The following GRIN2A variants were observed in gnomAD, a reference collection of about 807,000 sequenced individuals.
GRIN2A encodes glutamate receptor ionotropic, NMDA 2A.
GRIN2A carries 22 observed loss-of-function variants against 113.4 expected under a neutral mutation model. The ratio of observed to expected loss-of-function variants is 0.19; its 90% CI spans 0.14 to 0.28. The LOEUF (loss-of-function observed/expected upper bound fraction) is 0.28. Ranked by LOEUF, GRIN2A falls within the 10% of genes least tolerant of loss-of-function variation. The pLI is 1.00. For missense variants in GRIN2A, 1,502 were observed against 1,887.0 expected (o/e 0.80, Z 3.78); for synonymous variants, 827 against 738.4 (o/e 1.12, Z -1.94).
At chr16:9,859,953 G>A (rs1322313322) in intron 4 of GRIN2A, among the ~76,000 whole-genome samples, 1 of 151,558 alleles carries the variant, frequency 6.6e-6, no homozygotes, top group African/African-American at 2.4e-5. Context: ...AATACTGGAA[G>A]CCCTGGGGCT....
At chr16:10,175,985 T>C (rs919334925) in intron 2 of GRIN2A, among the ~76,000 whole-genome samples, 2 of 151,600 alleles carry the variant, frequency 1.3e-5, no homozygotes, top group Non-Finnish European at 2.9e-5. Flanking sequence ...CTCTTATTTA[T>C]TGATTTTAAT....
At position 9,753,536 on chromosome 16, in the gene GRIN2A, C is replaced by T. The variant is rs1038072354; in HGVS notation, c.*9613G>A. 9 of 201,974 alleles carry T rather than the reference C, an allele frequency of 4.5e-5. No homozygotes were observed. Among genetic ancestry groups the T allele is most frequent in the African/African-American group, 9.2e-5 (4 of 43,566 alleles). 12.5% of individuals were successfully genotyped at this position (201,974 alleles called of 1,614,324 possible). On this transcript the variant is annotated 3_prime_UTR_variant, in exon 13 of 13. Coordinates refer to ENST00000330684, the MANE Select transcript of GRIN2A (RefSeq NM_001134407.3). ...AGTTATATACATATCAGTTTGCACA[C>T]GAATTTCAATCCCCATTCCTTAAAA...
At chr16:10,139,694 G>A (rs142488691) in intron 2 of GRIN2A, among the ~76,000 whole-genome samples, 104 of 152,314 alleles carry the variant, frequency 6.8e-4, no homozygotes, top group African/African-American at 2.0e-3. Context: ...AAGTGGGGTG[G>A]GGGGAATACC....
chr16:10,037,130 A>C (rs74008913), intron 2 of GRIN2A: 32,347 of 152,048 alleles, frequency 0.21, 4,163 homozygotes, highest in East Asian at 0.52. Flanking sequence ...GCTACCAGAG[A>C]GTTCCGCCTC....
intron 7 of GRIN2A, among the ~76,000 whole-genome samples, chr16:9,839,897 C>G (rs553899736): frequency 6.6e-6 from 1 of 151,940 alleles, no homozygotes; most frequent in African/African-American, 2.4e-5. Flanking sequence ...AAGAACTGCC[C>G]GAGGATCACT....
At chr16:10,096,559 C>CACACACACACACAT (rs551231447) in intron 2 of GRIN2A, among the ~76,000 whole-genome samples, 1,707 of 151,694 alleles carry the variant, frequency 0.011, 45 homozygotes, top group East Asian at 0.098. Flanking sequence ...CACACACACA[C>CACACACACACACAT]ACACACACAC....
intron 2 of GRIN2A, among the ~76,000 whole-genome samples, chr16:10,062,290 G>C (rs1267677750): frequency 6.6e-6 from 1 of 151,894 alleles, no homozygotes; most frequent in African/African-American, 2.4e-5. Context: ...CTAGACAGTA[G>C]AAAACAAAAA....
intron 4 of GRIN2A, among the ~76,000 whole-genome samples, chr16:9,854,330 C>T (rs780055232): frequency 2.6e-5 from 4 of 151,374 alleles, no homozygotes; most frequent in Non-Finnish European, 5.9e-5. Flanking sequence ...TCTGAATAGC[C>T]TTTGGGTATT....
chr16:9,828,164 G>C (rs1229675654), intron 9 of GRIN2A, among the ~76,000 whole-genome samples: 3 of 152,138 alleles, frequency 2.0e-5, no homozygotes, highest in Non-Finnish European at 2.9e-5. Flanking sequence ...AGAGGCACAA[G>C]GACACTGAGC....
At chr16:9,834,275 C>G (rs1421899192) in intron 7 of GRIN2A, 45 bp from the exon 8 acceptor site, 2 of 1,604,278 alleles carry the variant, frequency 1.2e-6, no homozygotes, top group Non-Finnish European at 1.7e-6. Context: ...TTAGTTATCT[C>G]TTCCTCACTT....
chr16:9,889,754 A>ATT (rs1243094068), intron 4 of GRIN2A, among the ~76,000 whole-genome samples: 1 of 151,734 alleles, frequency 6.6e-6, no homozygotes, highest in Non-Finnish European at 1.5e-5. Context: ...ATATTTGGAG[A>ATT]TTTTCTAGAT....
intron 2 of GRIN2A, among the ~76,000 whole-genome samples, chr16:9,996,239 T>G (rs868248788): frequency 6.6e-6 from 1 of 152,046 alleles, no homozygotes. Flanking sequence ...GAAGGGCATC[T>G]CCAACAATTA....
At chr16:9,996,285 C>T (rs184790074) in intron 2 of GRIN2A, among the ~76,000 whole-genome samples, 1 of 152,278 alleles carries the variant, frequency 6.6e-6, no homozygotes, top group African/African-American at 2.4e-5. Flanking sequence ...CTTTCACCTT[C>T]CAGAGGGAGC....
intron 2 of GRIN2A, among the ~76,000 whole-genome samples, chr16:10,167,123 GT>G (rs943919286): frequency 3.1e-3 from 193 of 63,134 alleles, no homozygotes; most frequent in African/African-American, 0.015. Flanking sequence ...AGGATCAACT[GT>G]GTTTAATAAA....
At chr16:10,076,142 G>A (rs1175051147) in intron 2 of GRIN2A, among the ~76,000 whole-genome samples, 1 of 152,168 alleles carries the variant, frequency 6.6e-6, no homozygotes, top group African/African-American at 2.4e-5. Context: ...CCAGCACCTG[G>A]GACATCAGGA....
chr16:9,843,398 T>G (rs910968394), intron 5 of GRIN2A, among the ~76,000 whole-genome samples: 2 of 152,164 alleles, frequency 1.3e-5, no homozygotes, highest in African/African-American at 4.8e-5. Context: ...GATGTGATCA[T>G]GGCTCATGGC....
At chr16:10,058,373 T>C (rs1034351217) in intron 2 of GRIN2A, among the ~76,000 whole-genome samples, 2 of 152,216 alleles carry the variant, frequency 1.3e-5, no homozygotes, top group African/African-American at 4.8e-5. Context: ...GTCATAATGA[T>C]GTTTTAAAAC....
intron 9 of GRIN2A, among the ~76,000 whole-genome samples, chr16:9,823,756 T>C (rs141698574): frequency 1.0e-3 from 158 of 152,312 alleles, no homozygotes; most frequent in African/African-American, 3.7e-3. Context: ...TTTAAGATTA[T>C]GCAACTACCA....
intron 3 of GRIN2A, among the ~76,000 whole-genome samples, chr16:9,893,159 G>A (rs867051814): frequency 2.6e-5 from 4 of 152,078 alleles, no homozygotes; most frequent in Non-Finnish European, 4.4e-5. Flanking sequence ...CAGACCATTC[G>A]GGTCATTGAA....
Sources: gnomAD v4.1 joint callset for allele counts (sites outside exome capture counted in the v4.1 genomes callset) on GRCh38, gnomAD v4.1.1 for gene constraint, MANE v1.5 for transcripts, NCBI Gene and HGNC (gene_info 2026-07-23, HGNC 2026-07-21) for gene names.